The following TYW1 variants were observed in gnomAD, a reference collection of about 807,000 sequenced individuals.
TYW1 encodes S-adenosyl-L-methionine-dependent tRNA 4-demethylwyosine synthase TYW1.
In TYW1, 46 loss-of-function variants were observed where a neutral mutation model predicts 96.2. The observed-to-expected ratio is 0.48, with a 90% CI of 0.38 to 0.61. The LOEUF is 0.61. Among genes scored for constraint, TYW1 ranks in the 20% least tolerant of loss-of-function variants. The pLI is 0.00. For missense variants in TYW1, 684 were observed against 909.6 expected, an observed-to-expected ratio of 0.75 and a Z score of 3.19; for synonymous variants, 274 against 323.0, an observed-to-expected ratio of 0.85 and a Z score of 1.63.
At chr7:67,063,097 A>G (rs1294273811) in intron 9 of TYW1, among the ~76,000 whole-genome samples, 2 of 152,184 alleles carry the variant, frequency 1.3e-5, no homozygotes, top group Admixed American at 6.5e-5. Context: ...ATTATATGCC[A>G]TAACCAAGTG....
intron 11 of TYW1, among the ~76,000 whole-genome samples, chr7:67,092,104 A>G (rs1045044854): frequency 1.3e-5 from 2 of 152,142 alleles, no homozygotes; most frequent in Non-Finnish European, 2.9e-5. Context: ...GATGGCAGCC[A>G]TGTTGCTGGA....
intron 7 of TYW1, among the ~76,000 whole-genome samples, chr7:67,032,756 A>C: frequency 6.6e-6 from 1 of 152,114 alleles, no homozygotes; most frequent in East Asian, 1.9e-4. Context: ...CTTTGGAGAT[A>C]TCTTCCATGA....
intron 13 of TYW1, among the ~76,000 whole-genome samples, chr7:67,157,279 C>G (rs10274305): frequency 0.26 from 39,488 of 152,014 alleles, 5,615 homozygotes; most frequent in African/African-American, 0.38. Flanking sequence ...ATTTATGAAC[C>G]AATATTTTTT....
At chr7:67,057,046 C>A (rs555857167) in intron 9 of TYW1, among the ~76,000 whole-genome samples, 17 of 146,540 alleles carry the variant, frequency 1.2e-4, no homozygotes, top group Admixed American at 2.1e-4. Context: ...GATGGAGTCT[C>A]GCTCTGTTGC....
intron 15 of TYW1, among the ~76,000 whole-genome samples, chr7:67,203,179 T>G (rs1395642169): frequency 1.3e-5 from 2 of 152,228 alleles, no homozygotes; most frequent in Admixed American, 1.3e-4. Context: ...CTCCTCCATC[T>G]CTGTAGTTTC....
intron 13 of TYW1, among the ~76,000 whole-genome samples, chr7:67,127,159 CTTTT>C (rs201670664): frequency 7.7e-6 from 1 of 129,750 alleles, no homozygotes; most frequent in Non-Finnish European, 1.7e-5. Flanking sequence ...ATAAAATAAT[CTTTT>C]TTTTTTTTTT....
rs935789499 is a variant in TYW1, at chr7:67,162,432, G to A, written c.1699-20694G>A. Among the ~76,000 whole-genome samples, 129 of 152,066 alleles carry A rather than the reference G, an allele frequency of 8.5e-4. 2 individuals carry two copies. The highest frequency in any genetic ancestry group is 2.8e-3 in the African/African-American group (118 of 41,514). The stretch of plus-strand genomic sequence containing the variant: ...ATAATATTTGGGACTTTGGGAACTT[G>A]TAGATTGGTACAAGTAATATTTCTG... On this transcript the variant is annotated intron_variant, in intron 13 of 15. Transcript: ENST00000359626.
chr7:67,007,163 A>G (rs896007419), intron 3 of TYW1, among the ~76,000 whole-genome samples: 7 of 151,922 alleles, frequency 4.6e-5, no homozygotes, highest in East Asian at 3.9e-4. Flanking sequence ...TGCATATGGT[A>G]TAACTCCACT....
At chr7:67,102,993 G>C (rs529899417) in intron 12 of TYW1, among the ~76,000 whole-genome samples, 11 of 152,298 alleles carry the variant, frequency 7.2e-5, no homozygotes, top group African/African-American at 2.4e-4. Context: ...CTAATATGAA[G>C]GGTGCTGTGC....
At chr7:67,027,482 A>C (rs1454154879) in intron 7 of TYW1, among the ~76,000 whole-genome samples, 1 of 152,206 alleles carries the variant, frequency 6.6e-6, no homozygotes, top group Non-Finnish European at 1.5e-5. Context: ...ATGATTCAAA[A>C]TCTAGAAGCA....
chr7:67,077,883 A>G (rs1280941363), intron 10 of TYW1, among the ~76,000 whole-genome samples: 1 of 152,114 alleles, frequency 6.6e-6, no homozygotes, highest in East Asian at 1.9e-4. Flanking sequence ...TTCAGGTCTT[A>G]CGTTTATGTC....
Position 67,060,739 on chromosome 7 carries a change from G to A in TYW1, c.1155+4852G>A, listed in dbSNP as rs533696071. On this transcript the variant is annotated intron_variant, in intron 9 of 15. Transcript: ENST00000359626. ...GTTAGTCTGCCAAGTGAGAAAAGTAGCATTAAGAGGAGTAAAAGTCTCATT... is the reference window on the plus strand; with the variant it reads ...GTTAGTCTGCCAAGTGAGAAAAGTAACATTAAGAGGAGTAAAAGTCTCATT... 7.9e-5 allele frequency among the ~76,000 whole-genome samples: 12 copies of A among 152,302 alleles called. No individual in the cohort carries two copies. The East Asian group carries it at 2.3e-3, about 29-fold the overall frequency.
intron 13 of TYW1, among the ~76,000 whole-genome samples, chr7:67,149,694 T>C (rs1798727436): frequency 6.9e-6 from 1 of 144,510 alleles, no homozygotes; most frequent in Non-Finnish European, 1.5e-5. Context: ...TTTTTCTAGC[T>C]TTGGAGCTTG....
At chr7:67,001,652 C>T (rs185685177) in intron 3 of TYW1, among the ~76,000 whole-genome samples, 59 of 151,832 alleles carry the variant, frequency 3.9e-4, no homozygotes, top group Non-Finnish European at 6.6e-4. Flanking sequence ...GAACTCCTGA[C>T]CTCATGATCT....
In TYW1 at chr7:67,002,778, A is replaced by G. The variant is rs1237029450; in HGVS notation, c.273+3824A>G. Among the ~76,000 whole-genome samples the G allele has an allele frequency of 3.4e-5, 5 of 146,102 alleles. No individual in the cohort carries two copies. The East Asian group carries it at 1.0e-3, about 29-fold the overall frequency. On this transcript the variant is annotated intron_variant, in intron 3 of 15. Transcript: ENST00000359626. ...TTCTGGGATTCCTGTGGGATGTTCT[A>G]CCTTTTGGATCGTCTTCTGTGTCTC...
intron 10 of TYW1, among the ~76,000 whole-genome samples, chr7:67,079,341 TG>T (rs1178163615): frequency 1.3e-5 from 2 of 152,104 alleles, no homozygotes; most frequent in African/African-American, 2.4e-5. Context: ...CTTGGTAGGT[TG>T]TGTGTGTACA....
chr7:67,006,447 T>TTA (rs1309473968), intron 3 of TYW1, among the ~76,000 whole-genome samples: 23 of 145,888 alleles, frequency 1.6e-4, no homozygotes, highest in Admixed American at 2.7e-4. Context: ...CCTTTTTTTT[T>TTA]TTTTTTTTTT....
chr7:67,045,872 G>A (rs1795171920), intron 7 of TYW1, among the ~76,000 whole-genome samples: 1 of 152,182 alleles, frequency 6.6e-6, no homozygotes, highest in South Asian at 2.1e-4. Context: ...CATTGTAGAT[G>A]GAGAGAACAG....
At chr7:67,224,809 C>T (rs1277081956) in intron 15 of TYW1, among the ~76,000 whole-genome samples, 1 of 152,170 alleles carries the variant, frequency 6.6e-6, no homozygotes, top group Admixed American at 6.5e-5. Flanking sequence ...ACTATACATG[C>T]CATAACTCAT....
Sources: gnomAD v4.1 joint callset for allele counts (sites outside exome capture counted in the v4.1 genomes callset) on GRCh38, gnomAD v4.1.1 for gene constraint, MANE v1.5 for transcripts, NCBI Gene and HGNC (gene_info 2026-07-23, HGNC 2026-07-21) for gene names.